RBMS3: variants seen among roughly 807,000 people sequenced by gnomAD.
RBMS3 encodes RNA binding motif single stranded interacting protein 3.
RBMS3 carries 27 observed loss-of-function variants against 66.8 expected under a neutral mutation model. The observed-to-expected ratio is 0.40, with a 90% CI of 0.30 to 0.56. The LOEUF (loss-of-function observed/expected upper bound fraction) is 0.56. Ranked by LOEUF, RBMS3 falls within the 20% of genes least tolerant of loss-of-function variation. The pLI, the probability that RBMS3 is intolerant of heterozygous loss-of-function variation, is 0.40. For synonymous variants in RBMS3, 188 were observed against 183.0 expected (o/e 1.03, Z -0.22); for missense variants, 513 against 549.5 (o/e 0.93, Z 0.66).
At chr3:29,608,928 G>A (rs1268394507) in intron 4 of RBMS3, among the ~76,000 whole-genome samples, 2 of 151,948 alleles carry the variant, frequency 1.3e-5, no homozygotes, top group Non-Finnish European at 2.9e-5. Context: ...AGAAAGTGTG[G>A]TTTATGTATT....
At chr3:29,985,417 T>C (rs1179534853) in intron 12 of RBMS3, among the ~76,000 whole-genome samples, 1 of 148,996 alleles carries the variant, frequency 6.7e-6, no homozygotes, top group African/African-American at 2.4e-5. Context: ...AAAAAAAAGC[T>C]GCATCTAGCA....
intron 10 of RBMS3, chr3:29,925,333 T>A (rs536524704): frequency 2.0e-5 from 3 of 152,248 alleles, no homozygotes; most frequent in Non-Finnish European, 2.9e-5. Context: ...TTGGCTGTCA[T>A]AGCTATTTCT....
intron 1 of RBMS3, among the ~76,000 whole-genome samples, chr3:29,428,436 T>C (rs1233590398): frequency 6.6e-6 from 1 of 152,146 alleles, no homozygotes; most frequent in Admixed American, 6.5e-5. Flanking sequence ...CTGGCTCATA[T>C]ATATTCACTA....
chr3:29,981,722 G>C (rs975954492), intron 12 of RBMS3, among the ~76,000 whole-genome samples: 4 of 152,000 alleles, frequency 2.6e-5, no homozygotes, highest in East Asian at 1.9e-4. Flanking sequence ...TTATGTGATG[G>C]ACTACATTTA....
intron 3 of RBMS3, among the ~76,000 whole-genome samples, chr3:29,576,553 G>C (rs541040953): frequency 1.1e-3 from 173 of 152,300 alleles, no homozygotes; most frequent in African/African-American, 3.8e-3. Flanking sequence ...CCAAGTTTGT[G>C]TCCCTACCTT....
chr3:29,740,592 G>A (rs1559624308), intron 5 of RBMS3, among the ~76,000 whole-genome samples: 1 of 152,166 alleles, frequency 6.6e-6, no homozygotes, highest in Non-Finnish European at 1.5e-5. Context: ...CAAAGCTAAA[G>A]AGACCACAGA....
At chr3:29,727,932 C>A (rs1015904980) in intron 4 of RBMS3, among the ~76,000 whole-genome samples, 1 of 152,042 alleles carries the variant, frequency 6.6e-6, no homozygotes, top group African/African-American at 2.4e-5. Context: ...GCACTATTTA[C>A]GATAGTAAAG....
chr3:29,941,515 G>T (rs1030311963), intron 11 of RBMS3, among the ~76,000 whole-genome samples: 14 of 151,530 alleles, frequency 9.2e-5, no homozygotes, highest in Non-Finnish European at 1.8e-4. Context: ...ATCTAAAAAG[G>T]TAATAGTTTA....
chr3:29,296,367 T>C (rs946567222), intron 1 of RBMS3, among the ~76,000 whole-genome samples: 6 of 151,838 alleles, frequency 4.0e-5, no homozygotes, highest in Admixed American at 2.6e-4. Flanking sequence ...CATTATTATC[T>C]TGGGAATGTG....
chr3:29,288,618 A>G (rs1441479452), intron 1 of RBMS3, among the ~76,000 whole-genome samples: 1 of 152,042 alleles, frequency 6.6e-6, no homozygotes. Flanking sequence ...ATGGTTATGC[A>G]TGTTTGGCTA....
chr3:29,840,788 G>T (rs974419810), intron 6 of RBMS3, among the ~76,000 whole-genome samples: 3 of 151,500 alleles, frequency 2.0e-5, no homozygotes, highest in African/African-American at 7.3e-5. Context: ...TTGCTTTCAG[G>T]TTTTTTTTCT....
At chr3:29,565,302 C>T (rs2046702721) in intron 3 of RBMS3, among the ~76,000 whole-genome samples, 2 of 152,086 alleles carry the variant, frequency 1.3e-5, no homozygotes, top group African/African-American at 4.8e-5. Context: ...GTTATAAATG[C>T]ACCATAAAGA....
At chr3:29,446,246 T>A (rs2041827395) in intron 2 of RBMS3, among the ~76,000 whole-genome samples, 1 of 152,182 alleles carries the variant, frequency 6.6e-6, no homozygotes, top group Non-Finnish European at 1.5e-5. Context: ...TCCAGGTACA[T>A]GTTAAGCCCT....
intron 3 of RBMS3, among the ~76,000 whole-genome samples, chr3:29,515,104 G>A (rs1472712723): frequency 6.6e-6 from 1 of 152,120 alleles, no homozygotes; most frequent in Non-Finnish European, 1.5e-5. Context: ...CATGCTCTTA[G>A]AAAGAATGAG....
At chr3:29,708,470 G>A (rs561274645) in intron 4 of RBMS3, among the ~76,000 whole-genome samples, 4 of 152,272 alleles carry the variant, frequency 2.6e-5, no homozygotes, top group East Asian at 1.9e-4. Context: ...ATAATAAATC[G>A]TGTAATTCCT....
intron 4 of RBMS3, among the ~76,000 whole-genome samples, chr3:29,694,695 A>G (rs1330544526): frequency 6.6e-6 from 1 of 152,118 alleles, no homozygotes; most frequent in Non-Finnish European, 1.5e-5. Context: ...GAGTTCAATT[A>G]TGTTTTAAAC....
chr3:29,944,607 C>G (rs1416403541), intron 12 of RBMS3, among the ~76,000 whole-genome samples: 1 of 151,556 alleles, frequency 6.6e-6, no homozygotes, highest in Admixed American at 6.6e-5. Flanking sequence ...TTATGTATAG[C>G]AAAAGACGGC....
At chr3:29,866,334 TG>T (rs2059364010) in intron 6 of RBMS3, among the ~76,000 whole-genome samples, 1 of 152,100 alleles carries the variant, frequency 6.6e-6, no homozygotes, top group Admixed American at 6.5e-5. Context: ...TACCTGTGGG[TG>T]TAATGTGTGT....
intron 6 of RBMS3, among the ~76,000 whole-genome samples, chr3:29,816,319 C>CAG (rs773760262): frequency 2.3e-5 from 3 of 130,660 alleles, no homozygotes; most frequent in African/African-American, 2.8e-5. Flanking sequence ...CAGACACACA[C>CAG]ACACACACAC....
Sources: gnomAD v4.1 joint callset for allele counts (sites outside exome capture counted in the v4.1 genomes callset) on GRCh38, gnomAD v4.1.1 for gene constraint, MANE v1.5 for transcripts, NCBI Gene and HGNC (gene_info 2026-07-23, HGNC 2026-07-21) for gene names.